The following CACNA1B variants were observed in gnomAD, a reference collection of about 807,000 sequenced individuals.
CACNA1B encodes calcium voltage-gated channel subunit alpha1 B, also known as voltage-dependent N-type calcium channel subunit alpha-1B.
In CACNA1B, 70 loss-of-function variants were observed where a neutral mutation model predicts 247.2. The observed-to-expected ratio is 0.28, with a 90% CI of 0.23 to 0.35. The LOEUF is 0.35. Ranked by LOEUF, CACNA1B falls within the 10% of genes least tolerant of loss-of-function variation. CACNA1B has a pLI of 1.00. For missense variants in CACNA1B, 2,367 were observed against 3,197.4 expected, an observed-to-expected ratio of 0.74 and a Z score of 6.26; for synonymous variants, 1,231 against 1,294.4, an observed-to-expected ratio of 0.95 and a Z score of 1.05.
At chr9:137,978,404 C>T (rs1241139152) in intron 12 of CACNA1B, among the ~76,000 whole-genome samples, 1 of 149,016 alleles carries the variant, frequency 6.7e-6, no homozygotes, top group African/African-American at 2.5e-5. Flanking sequence ...TACCCTGCCC[C>T]CCCCAGGAAG....
chr9:137,989,080 C>T (rs1958401512), intron 15 of CACNA1B, among the ~76,000 whole-genome samples: 1 of 152,192 alleles, frequency 6.6e-6, no homozygotes, highest in Non-Finnish European at 1.5e-5. Flanking sequence ...CATCTACAGT[C>T]AGAAGGCGTA....
chr9:137,987,287 C>T (rs569138743), intron 15 of CACNA1B, among the ~76,000 whole-genome samples: 60 of 152,278 alleles, frequency 3.9e-4, no homozygotes, highest in African/African-American at 1.2e-3. Context: ...AAAACTACCC[C>T]CCTCAGCTCC....
Position 138,112,430 on chromosome 9 carries a change from T to C in CACNA1B, c.5461T>C (p.Leu1821=), listed in dbSNP as rs1252942983. 1.1e-5 allele frequency: 17 copies of C among 1,613,388 alleles called. No homozygotes were observed. The highest frequency in any genetic ancestry group is 1.0e-5 in the Non-Finnish European group (12 of 1,179,602). ...GTKQHQCDAE[L]RKEISVVWAN... is the part of the protein sequence containing the mutation. ...AAAGCAGCATCAGTGTGACGCGGAG[T>C]TGAGGAAGGAGATTTCCGTTGTGTG... The change falls in exon 40 of 47, where the codon TTG becomes CTG. Residue 1821 remains leucine (L), a synonymous_variant. Transcript: ENST00000371372.
chr9:137,960,517 C>T (rs1347327960), intron 10 of CACNA1B, among the ~76,000 whole-genome samples: 1 of 116,160 alleles, frequency 8.6e-6, no homozygotes. Flanking sequence ...GGAGGTCAGC[C>T]TGAGGGATGC....
At chr9:137,945,014 G>A (rs1018356980) in intron 6 of CACNA1B, among the ~76,000 whole-genome samples, 2 of 152,118 alleles carry the variant, frequency 1.3e-5, no homozygotes, top group East Asian at 3.9e-4. Flanking sequence ...AGATTGTTGG[G>A]TTTTGGTATA....
chr9:138,050,643 A>C lies in CACNA1B; in HGVS notation c.3710+1328A>C, dbSNP rs563472564. 6.6e-6 allele frequency among the ~76,000 whole-genome samples: 1 copy of C among 152,306 alleles called. No homozygotes were observed. Among genetic ancestry groups the C allele is most frequent in the Non-Finnish European group, 1.5e-5 (1 of 68,018 alleles). Reference sequence around the variant, plus strand: ...GGAGGGGAAGGGGTTGGGCCCATCCAGGCGGCTTCAGAGCAGGAGAAAAGG... The same window carrying C: ...GGAGGGGAAGGGGTTGGGCCCATCCCGGCGGCTTCAGAGCAGGAGAAAAGG... On this transcript the variant is annotated intron_variant, in intron 24 of 46. Coordinates refer to ENST00000371372, the MANE Select transcript of CACNA1B (RefSeq NM_000718.4). This position sits in a 1 kb window ranked among gnomAD's most constrained non-coding sequence, Gnocchi z 5.2.
intron 36 of CACNA1B, among the ~76,000 whole-genome samples, chr9:138,094,229 C>T (rs915417341): frequency 2.0e-5 from 3 of 151,900 alleles, no homozygotes; most frequent in African/African-American, 7.3e-5. Flanking sequence ...TCAAATTCAT[C>T]GAGACAGTAA....
rs1276012784 is a variant in CACNA1B at position 138,020,581 on chromosome 9, A to G, written c.2268-2430A>G. On this transcript the variant is annotated intron_variant, in intron 18 of 46. Coordinates refer to ENST00000371372, the MANE Select transcript of CACNA1B (RefSeq NM_000718.4). The surrounding 1 kb of genome is among the most constrained non-coding windows in gnomAD (Gnocchi z 4.1). ...TTGGTGGTGCTGGCCGAGTGAGGGC[A>G]GATGCAGACAGTCTCTGGTGACGTT... Among the ~76,000 whole-genome samples, 9 of 152,202 alleles carry G rather than the reference A, an allele frequency of 5.9e-5. No individual in the cohort carries two copies. The highest frequency in any genetic ancestry group is 1.9e-4 in the African/African-American group (8 of 41,454).
In CACNA1B at chr9:138,102,673, C is replaced by T. The variant is rs1203358573; in HGVS notation, c.5223-38C>T. ...CTGCTGCCGCTCCTCCTGTGGACCA[C>T]CCCACTGTGCCCTGGCCTCGCTGGG... On this transcript the variant is annotated intron_variant, in intron 37 of 46. Transcript: ENST00000371372. The surrounding 1 kb of genome is among the most constrained non-coding windows in gnomAD (Gnocchi z 5.4). 7 of 1,328,888 alleles carry T rather than the reference C, an allele frequency of 5.3e-6. No individual in the cohort carries two copies. The highest frequency in any genetic ancestry group is 7.5e-6 in the Non-Finnish European group (7 of 932,786). 82.3% of individuals were successfully genotyped at this position (1,328,888 alleles called of 1,614,324 possible). A position where few individuals can be genotyped will look rare whatever the true frequency, so the allele number is the denominator to read the frequency against.
rs1033598040 is a variant in CACNA1B at position 138,041,902 on chromosome 9, G to A, written c.3287-1872G>A. 5.9e-5 allele frequency among the ~76,000 whole-genome samples: 9 copies of A among 152,160 alleles called. 1 individual carries two copies. The highest frequency in any genetic ancestry group is 1.4e-4 in the African/African-American group (6 of 41,506). On this transcript the variant is annotated intron_variant, in intron 20 of 46. Transcript: ENST00000371372. ...CTGGAGTCGCTGGAACTGTATGCAC[G>A]CGCCAACACACCCTAATTTTTTAAT... is the stretch of plus-strand genomic sequence containing the variant.
intron 20 of CACNA1B, among the ~76,000 whole-genome samples, chr9:138,026,743 G>A: frequency 6.6e-6 from 1 of 152,162 alleles, no homozygotes; most frequent in Admixed American, 6.5e-5. Context: ...TTCATGTTCA[G>A]GTTTTTGTGT....
Position 138,058,122 on chromosome 9 carries a change from A to G in CACNA1B, c.4180A>G (p.Ile1394Val), listed in dbSNP as rs769812997. The G allele has an allele frequency of 2.5e-6, 4 of 1,613,810 alleles. No homozygotes were observed. The African/African-American group carries it at 4.0e-5, about 16-fold the overall frequency. The change falls in exon 28 of 47, where the codon ATC (isoleucine) becomes GTC (valine). Residue 1394 changes from isoleucine to valine, a missense_variant. Ile to Val is a conservative substitution (Grantham distance 29). Transcript: ENST00000371372. This position sits in a 1 kb window ranked among gnomAD's most constrained non-coding sequence, Gnocchi z 4.7. ...PSPGYRMELS[I>V]FYVVYFVVFP... ...CCCTGGGTACCGCATGGAGCTGTCC[A>G]TCTTCTACGTGGTCTACTTTGTGGT...
chr9:138,053,459 C>T (rs1959367119), intron 25 of CACNA1B, among the ~76,000 whole-genome samples: 1 of 152,284 alleles, frequency 6.6e-6, no homozygotes, highest in South Asian at 2.1e-4. Flanking sequence ...CCACCTGGGC[C>T]TCAGTGGTCC....
At chr9:137,956,512 G>A (rs1417595300) in intron 8 of CACNA1B, among the ~76,000 whole-genome samples, 3 of 152,172 alleles carry the variant, frequency 2.0e-5, no homozygotes, top group African/African-American at 7.2e-5. Flanking sequence ...ACAAAAATTA[G>A]CCGGGCATGG....
At chr9:137,911,866 G>A (rs974022650) in intron 3 of CACNA1B, among the ~76,000 whole-genome samples, 9 of 152,184 alleles carry the variant, frequency 5.9e-5, no homozygotes, top group African/African-American at 1.2e-4. Flanking sequence ...TGACCCGGAC[G>A]TGGCATATGA....
intron 3 of CACNA1B, 134 bp downstream of exon 3, chr9:137,883,017 C>T (rs1196214759): frequency 1.7e-5 from 16 of 926,884 alleles, no homozygotes; most frequent in African/African-American, 6.6e-5. Context: ...TGGAGATGAA[C>T]GAATGTGAGA....
Position 138,052,404 on chromosome 9 carries a change from G to T in CACNA1B, c.3807+216G>T, listed in dbSNP as rs1392995916. Among the ~76,000 whole-genome samples the T allele has an allele frequency of 6.6e-6, 1 of 152,158 alleles. No homozygotes were observed. The highest frequency in any genetic ancestry group is 1.5e-5 in the Non-Finnish European group (1 of 68,050). On this transcript the variant is annotated intron_variant, in intron 25 of 46. Coordinates refer to ENST00000371372, the MANE Select transcript of CACNA1B (RefSeq NM_000718.4). This position sits in a 1 kb window ranked among gnomAD's most constrained non-coding sequence, Gnocchi z 5.1. ...TGTGAGAATCCTCCTCCTTAGCCCA[G>T]CAGGACCAGGCGGCACAGGGTTTTT... is the stretch of plus-strand genomic sequence containing the variant.
In CACNA1B at chr9:137,958,504, G is replaced by T. The variant is rs77322664; in HGVS notation, c.1333+817G>T. On this transcript the variant is annotated intron_variant, in intron 10 of 46. Transcript: ENST00000371372. Reference sequence around the variant, plus strand: ...TTGTCTGATTCTAGCCCCCCTTGTCGGGTGCAACCTGGCGTTGCTGATGTG... The same window carrying T: ...TTGTCTGATTCTAGCCCCCCTTGTCTGGTGCAACCTGGCGTTGCTGATGTG... 7.9e-5 allele frequency among the ~76,000 whole-genome samples: 12 copies of T among 152,254 alleles called. No homozygotes were observed. In the East Asian group the frequency reaches 1.7e-3, roughly 22 times the overall value.
At chr9:137,884,943 C>G (rs1217345381) in intron 3 of CACNA1B, among the ~76,000 whole-genome samples, 1 of 118,694 alleles carries the variant, frequency 8.4e-6, no homozygotes, top group African/African-American at 3.4e-5. Flanking sequence ...CTCCCTCTCC[C>G]TCCTCTCCCC....
Sources: allele counts gnomAD v4.1 joint callset (sites outside exome capture counted in the v4.1 genomes callset), GRCh38; gene constraint gnomAD v4.1.1; non-coding constraint Gnocchi (gnomAD v3.1); transcripts MANE v1.5; gene names NCBI Gene and HGNC (gene_info 2026-07-23, HGNC 2026-07-21).